NIT2: variants seen among roughly 807,000 people sequenced by gnomAD.
NIT2 encodes the protein omega-amidase NIT2.
NIT2 carries 46 observed loss-of-function variants against 42.7 expected under a neutral mutation model. The ratio of observed to expected loss-of-function variants is 1.08; its 90% CI spans 0.85 to 1.38. The LOEUF (loss-of-function observed/expected upper bound fraction) is 1.38, where lower values mean the gene tolerates loss of function less well. Ranked by LOEUF, NIT2 falls within the 40% of genes most tolerant of loss-of-function variation. NIT2 has a pLI of 0.00. For missense variants in NIT2, 309 were observed against 342.5 expected, an observed-to-expected ratio of 0.90 and a Z score of 0.77; for synonymous variants, 123 against 121.9, an observed-to-expected ratio of 1.01 and a Z score of -0.06.
At chr3:100,344,650 G>GT (rs1455546047) in intron 4 of NIT2, among the ~76,000 whole-genome samples, 1 of 151,834 alleles carries the variant, frequency 6.6e-6, no homozygotes, top group African/African-American at 2.4e-5. Context: ...TTCTGTTTTT[G>GT]TTTTTGTTTT....
intron 6 of NIT2, 47 bp from the exon 7 acceptor site, chr3:100,348,756 T>C: frequency 6.7e-7 from 1 of 1,483,384 alleles, no homozygotes; most frequent in Admixed American, 1.7e-5. Flanking sequence ...ACTGGTTTTG[T>C]TGAGTGCTCA....
chr3:100,334,902 C>A, intron 1 of NIT2, 104 bp downstream of exon 1: 2 of 1,102,380 alleles, frequency 1.8e-6, no homozygotes, highest in South Asian at 7.5e-5. Context: ...CGCCCCGCGT[C>A]CCCGCCGTGC....
Position 100,357,284 on chromosome 3 carries a change from G to A in NIT2, c.*2016G>A, listed in dbSNP as rs1007280491. On this transcript the variant is annotated 3_prime_UTR_variant, in exon 10 of 10. Transcript: ENST00000394140. ...TGAAAGTTAAACCTTGTAATAGTGC[G>A]AAATCATTTTCTTTTTTAAAAATAT... 6.6e-6 allele frequency: 1 copy of A among 151,996 alleles called. No homozygotes were observed. The highest frequency in any genetic ancestry group is 1.5e-5 in the Non-Finnish European group (1 of 67,998). The allele number at this position is 151,996 out of a possible 1,614,324, so 9.4% of individuals were successfully genotyped here.
intron 6 of NIT2, 148 bp downstream of exon 6, chr3:100,346,403 C>A: frequency 1.5e-6 from 1 of 658,888 alleles, no homozygotes. Context: ...GCTTCCCAGA[C>A]TTTTGCTGTG....
At position 100,357,492 on chromosome 3, in the gene NIT2, T is replaced by C. The variant is rs1706334917; in HGVS notation, c.*2224T>C. 1 of 152,132 alleles carries C rather than the reference T, an allele frequency of 6.6e-6. No individual in the cohort carries two copies. Among genetic ancestry groups the C allele is most frequent in the Non-Finnish European group, 1.5e-5 (1 of 68,016 alleles). 9.4% of individuals were successfully genotyped at this position (152,132 alleles called of 1,614,324 possible). The stretch of plus-strand genomic sequence containing the variant: ...TTCTCTTATTCCCCAAAAAACTTCA[T>C]TTCCTCTAAAGAGCTGCTCAGAAGT... On this transcript the variant is annotated 3_prime_UTR_variant, in exon 10 of 10. Coordinates refer to ENST00000394140, the MANE Select transcript of NIT2 (RefSeq NM_020202.5).
At chr3:100,351,263 G>C (rs1373620089) in intron 7 of NIT2, among the ~76,000 whole-genome samples, 1 of 152,168 alleles carries the variant, frequency 6.6e-6, no homozygotes, top group Non-Finnish European at 1.5e-5. Flanking sequence ...AAAAACTAAA[G>C]TTCATATGGA....
rs546039103 is a variant in NIT2, at chr3:100,346,076, A to G, written c.431-105A>G. On this transcript the variant is annotated intron_variant, in intron 5 of 9. Coordinates refer to ENST00000394140, the MANE Select transcript of NIT2 (RefSeq NM_020202.5). Reference sequence around the variant, plus strand: ...CTGTCCTCAGGTCCTGTGTTAATTTATCCCTGTCAGTGTTTTGTGATCATT... The same window carrying G: ...CTGTCCTCAGGTCCTGTGTTAATTTGTCCCTGTCAGTGTTTTGTGATCATT... The G allele has an allele frequency of 5.8e-5, 49 of 845,932 alleles. No homozygotes were observed. In the Middle Eastern group the frequency reaches 1.3e-3, roughly 23 times the overall value. 52.4% of individuals were successfully genotyped at this position (845,932 alleles called of 1,614,324 possible).
chr3:100,339,565 C>T (rs757520517), intron 2 of NIT2, among the ~76,000 whole-genome samples: 3 of 151,726 alleles, frequency 2.0e-5, no homozygotes, highest in Non-Finnish European at 4.4e-5. Context: ...AAGCCTCCAA[C>T]ATTTTTTTTT....
rs1304152159 is a variant in NIT2 at position 100,361,068 on chromosome 3, G to A, written c.*5800G>A. The A allele has an allele frequency of 2.0e-5, 3 of 152,960 alleles. No individual in the cohort carries two copies. Among genetic ancestry groups the A allele is most frequent in the African/African-American group, 7.2e-5 (3 of 41,448 alleles). 9.5% of individuals were successfully genotyped at this position (152,960 alleles called of 1,614,324 possible). ...TTCTAAATAATTAAGTCTGTTGTCTGACCCAGGAGTCTCATGTCTTCTGCC... is the reference window on the plus strand; with the variant it reads ...TTCTAAATAATTAAGTCTGTTGTCTAACCCAGGAGTCTCATGTCTTCTGCC... On this transcript the variant is annotated 3_prime_UTR_variant, in exon 10 of 10. Coordinates refer to ENST00000394140, the MANE Select transcript of NIT2 (RefSeq NM_020202.5).
intron 3 of NIT2, among the ~76,000 whole-genome samples, chr3:100,340,851 C>T (rs1458003284): frequency 6.6e-6 from 1 of 150,562 alleles, no homozygotes; most frequent in South Asian, 2.1e-4. Context: ...AGATCATATT[C>T]AAGAAGGAAA....
chr3:100,352,127 T>C (rs1224776360), intron 7 of NIT2, among the ~76,000 whole-genome samples: 1 of 152,192 alleles, frequency 6.6e-6, no homozygotes, highest in African/African-American at 2.4e-5. Context: ...CTGGAAAGGA[T>C]GTGGAGAAAT....
intron 1 of NIT2, 89 bp downstream of exon 1, chr3:100,334,887 C>G: frequency 1.7e-6 from 2 of 1,161,620 alleles, no homozygotes; most frequent in Non-Finnish European, 1.1e-6. Context: ...CCGGCTCAGC[C>G]CCTCCGCCCC....
intron 4 of NIT2, among the ~76,000 whole-genome samples, chr3:100,342,496 G>A (rs1706167558): frequency 6.7e-6 from 1 of 148,964 alleles, no homozygotes; most frequent in Admixed American, 6.7e-5. Context: ...TTTATCTATT[G>A]GCTTTTTAGT....
Position 100,357,448 on chromosome 3 carries a change from A to T in NIT2, c.*2180A>T, listed in dbSNP as rs549538816. On this transcript the variant is annotated 3_prime_UTR_variant, in exon 10 of 10. Transcript: ENST00000394140. The stretch of plus-strand genomic sequence containing the variant: ...TGGTTGATGTGGATGTGTGGAACCT[A>T]GGAACCTTCTCTTGGATTTTCTCTT... 6.6e-6 allele frequency: 1 copy of T among 152,266 alleles called. No homozygotes were observed. Among genetic ancestry groups the T allele is most frequent in the African/African-American group, 2.4e-5 (1 of 41,550 alleles). The allele number at this position is 152,266 out of a possible 1,614,324, so 9.4% of individuals were successfully genotyped here.
chr3:100,351,732 A>G (rs371979538), intron 7 of NIT2, among the ~76,000 whole-genome samples: 26 of 152,314 alleles, frequency 1.7e-4, no homozygotes, highest in African/African-American at 6.0e-4. Flanking sequence ...AAAAGCAATG[A>G]CAACAAAAGC....
At chr3:100,345,751 T>G in intron 5 of NIT2, 73 bp downstream of exon 5, 2 of 926,302 alleles carry the variant, frequency 2.2e-6, no homozygotes, top group Non-Finnish European at 3.4e-6. Context: ...CTTTTTTGTC[T>G]CTCTCCGATT....
In NIT2 at chr3:100,346,225, G is replaced by T; in HGVS notation, c.475G>T (p.Ala159Ser). 1 of 1,614,104 alleles carries T rather than the reference G, an allele frequency of 6.2e-7. No individual in the cohort carries two copies. Among genetic ancestry groups the T allele is most frequent in the Non-Finnish European group, 8.5e-7 (1 of 1,179,964 alleles). The part of the protein sequence containing the change: ...GLGICYDMRF[A>S]ELAQIYAQRG... ...GGGCATCTGCTACGACATGCGGTTT[G>T]CAGAGCTTGCACAAATCTACGCACA... The change falls in exon 6 of 10, where the codon GCA becomes TCA. Residue 159 changes from alanine (A) to serine (S), a missense_variant. Physicochemically the swap from Ala to Ser is moderately conservative, Grantham distance 99. Transcript: ENST00000394140.
intron 8 of NIT2, among the ~76,000 whole-genome samples, chr3:100,354,300 C>T (rs932892722): frequency 6.6e-6 from 1 of 152,200 alleles, no homozygotes; most frequent in Non-Finnish European, 1.5e-5. Flanking sequence ...AGATCTGGGG[C>T]CCTGCCTAGG....
rs532727851 is a variant in NIT2 at position 100,356,433 on chromosome 3, A to C, written c.*1165A>C. On this transcript the variant is annotated 3_prime_UTR_variant, in exon 10 of 10. Coordinates refer to ENST00000394140, the MANE Select transcript of NIT2 (RefSeq NM_020202.5). ...CTAGCACACCACTGGTTTAAGATAG[A>C]TATATCATATAGATATTTACCATTT... is the stretch of plus-strand genomic sequence containing the variant. 2 of 152,236 alleles carry C rather than the reference A, an allele frequency of 1.3e-5. No individual in the cohort carries two copies. The highest frequency in any genetic ancestry group is 3.9e-4 in the East Asian group (2 of 5,188). 9.4% of individuals were successfully genotyped at this position (152,236 alleles called of 1,614,324 possible). A position where few individuals can be genotyped will look rare whatever the true frequency, so the allele number is the denominator to read the frequency against.
Sources: gnomAD v4.1 joint callset for allele counts (sites outside exome capture counted in the v4.1 genomes callset) on GRCh38, gnomAD v4.1.1 for gene constraint, MANE v1.5 for transcripts, NCBI Gene and HGNC (gene_info 2026-07-23, HGNC 2026-07-21) for gene names.